Variants in MALRD1 observed in about 807,000 individuals in gnomAD.
The protein encoded by MALRD1 is MAM and LDL-receptor class A domain-containing protein 1.
In MALRD1, 247 loss-of-function variants were observed where a neutral mutation model predicts 242.1. The ratio of observed to expected loss-of-function variants is 1.02; its 90% CI spans 0.92 to 1.13. MALRD1 has a LOEUF of 1.13. Among genes scored for constraint, MALRD1 ranks in the 50% most tolerant of loss-of-function variants. The pLI is 0.00. For synonymous variants in MALRD1, 995 were observed against 866.6 expected, an observed-to-expected ratio of 1.15 and a Z score of -2.60; for missense variants, 2,989 against 2,533.1, an observed-to-expected ratio of 1.18 and a Z score of -3.86.
rs1846349849 is a variant in MALRD1 at position 19,391,848 on chromosome 10, C to A, written c.4845+2239C>A. Among the ~76,000 whole-genome samples, 3 of 152,190 alleles carry A rather than the reference C, an allele frequency of 2.0e-5. No individual in the cohort carries two copies. In the South Asian group the frequency reaches 6.2e-4, roughly 31 times the overall value. The stretch of plus-strand genomic sequence containing the variant: ...AGTTTTAGGCTTCAAGTGTCACTCT[C>A]AGATCTTCAGAAAAGGGACTGCTGG... On this transcript the variant is annotated intron_variant, in intron 28 of 39. Transcript: ENST00000454679.
intron 2 of MALRD1, among the ~76,000 whole-genome samples, chr10:19,081,607 C>A (rs1283607872): frequency 6.6e-6 from 1 of 151,770 alleles, no homozygotes; most frequent in Non-Finnish European, 1.5e-5. Flanking sequence ...GACACTGGGA[C>A]CTGTCAGGAG....
At chr10:19,576,643 A>G (rs975313228) in intron 33 of MALRD1, among the ~76,000 whole-genome samples, 1 of 152,146 alleles carries the variant, frequency 6.6e-6, no homozygotes, top group African/African-American at 2.4e-5. Flanking sequence ...AAATGATCCC[A>G]TCAAACAGGA....
intron 14 of MALRD1, among the ~76,000 whole-genome samples, chr10:19,191,893 G>A (rs1835991001): frequency 6.6e-6 from 1 of 152,134 alleles, no homozygotes; most frequent in African/African-American, 2.4e-5. Flanking sequence ...AGCTACTCAG[G>A]AGGCTGAGGC....
chr10:19,209,892 A>T (rs938733024), intron 18 of MALRD1, among the ~76,000 whole-genome samples: 1 of 152,180 alleles, frequency 6.6e-6, no homozygotes, highest in African/African-American at 2.4e-5. Flanking sequence ...ATTTCTGAAG[A>T]TGAACATGTG....
chr10:19,258,348 C>T (rs747042012), intron 19 of MALRD1, among the ~76,000 whole-genome samples: 2 of 151,992 alleles, frequency 1.3e-5, no homozygotes, highest in African/African-American at 2.4e-5. Flanking sequence ...AGAAAATAAC[C>T]TAAAATAAAC....
intron 34 of MALRD1, among the ~76,000 whole-genome samples, chr10:19,604,850 T>C (rs1838530549): frequency 6.6e-6 from 1 of 152,184 alleles, no homozygotes; most frequent in African/African-American, 2.4e-5. Flanking sequence ...AACAATTTTA[T>C]GTGACTTGCA....
chr10:19,485,567 A>G (rs1170821634), intron 29 of MALRD1, among the ~76,000 whole-genome samples: 2 of 151,824 alleles, frequency 1.3e-5, no homozygotes, highest in African/African-American at 4.8e-5. Flanking sequence ...GGCATGAACC[A>G]AGGAGGCGGA....
At chr10:19,184,321 G>A (rs532382553) in intron 14 of MALRD1, among the ~76,000 whole-genome samples, 8 of 152,298 alleles carry the variant, frequency 5.3e-5, no homozygotes, top group African/African-American at 1.9e-4. Context: ...GTGAGCTCCA[G>A]AGAGCAGAGC....
intron 28 of MALRD1, among the ~76,000 whole-genome samples, chr10:19,428,612 C>G (rs1833994364): frequency 6.6e-6 from 1 of 151,964 alleles, no homozygotes; most frequent in East Asian, 1.9e-4. Flanking sequence ...TTAATGATCA[C>G]AACCTTATGG....
chr10:19,531,707 T>C (rs528644261), intron 32 of MALRD1, among the ~76,000 whole-genome samples: 4 of 152,302 alleles, frequency 2.6e-5, no homozygotes, highest in African/African-American at 9.6e-5. Flanking sequence ...AGGAAGATAA[T>C]TTTCTACCCA....
intron 26 of MALRD1, among the ~76,000 whole-genome samples, chr10:19,364,380 G>A (rs188398020): frequency 2.6e-5 from 4 of 152,130 alleles, no homozygotes; most frequent in Non-Finnish European, 5.9e-5. Flanking sequence ...TCACAAATAT[G>A]TTCCTTAGCA....
At position 19,197,904 on chromosome 10, in the gene MALRD1, C is replaced by T. The variant is rs529289930; in HGVS notation, c.1952-5824C>T. On this transcript the variant is annotated intron_variant, in intron 14 of 39. Transcript: ENST00000454679. Reference sequence around the variant, plus strand: ...TGTGCTCTTAGACTTTATACTTGTGCAGACATATAGCATGTATTTGCTAAG... The same window carrying T: ...TGTGCTCTTAGACTTTATACTTGTGTAGACATATAGCATGTATTTGCTAAG... Among the ~76,000 whole-genome samples the T allele has an allele frequency of 3.3e-5, 5 of 152,280 alleles. No homozygotes were observed. The South Asian group carries it at 1.0e-3, about 32-fold the overall frequency.
Position 19,257,690 on chromosome 10 carries a change from G to A in MALRD1, c.2998G>A (p.Val1000Met), listed in dbSNP as rs1288505166. 2.3e-5 allele frequency: 35 copies of A among 1,531,932 alleles called. No homozygotes were observed. The highest frequency in any genetic ancestry group is 3.1e-5 in the Non-Finnish European group (35 of 1,135,516). 94.9% of individuals were successfully genotyped at this position (1,531,932 alleles called of 1,614,324 possible). ...TTTTATTTTATTTTTTTAGATATTG[G>A]TGGAGGCTTCAGTGGGAGATGGCTT... The part of the protein sequence containing the change: ...ISSRQPFQIL[V>M]EASVGDGFTG... The change falls in exon 19 of 40, where the codon GTG becomes ATG. Residue 1000 changes from valine to methionine, a missense_variant. By Grantham distance (21) the Val-to-Met change is conservative. Coordinates refer to ENST00000454679, the MANE Select transcript of MALRD1 (RefSeq NM_001142308.3).
chr10:19,116,448 A>G (rs1836872542), intron 5 of MALRD1, among the ~76,000 whole-genome samples: 1 of 152,204 alleles, frequency 6.6e-6, no homozygotes, highest in South Asian at 2.1e-4. Flanking sequence ...TTTTCTTTTA[A>G]GAGACAGTAA....
intron 31 of MALRD1, among the ~76,000 whole-genome samples, chr10:19,522,818 C>G (rs570846479): frequency 6.6e-6 from 1 of 152,140 alleles, no homozygotes; most frequent in African/African-American, 2.4e-5. Flanking sequence ...CAGTTTGACT[C>G]AGAGCTGGTC....
chr10:19,054,480 CA>C (rs1250389637), intron 1 of MALRD1, among the ~76,000 whole-genome samples: 1 of 152,150 alleles, frequency 6.6e-6, no homozygotes, highest in Admixed American at 6.5e-5. Context: ...TGACTGTAGT[CA>C]CCCTGTTGTG....
chr10:19,356,426 A>G (rs192451564), intron 26 of MALRD1, among the ~76,000 whole-genome samples: 3 of 152,288 alleles, frequency 2.0e-5, no homozygotes, highest in East Asian at 1.9e-4. Context: ...TGTAAGCCAC[A>G]TATTTACTTT....
chr10:19,413,108 G>C (rs766401396), intron 28 of MALRD1, among the ~76,000 whole-genome samples: 4 of 152,048 alleles, frequency 2.6e-5, no homozygotes, highest in Admixed American at 6.6e-5. Context: ...TCACATACAT[G>C]ATGTAACCCA....
Position 19,108,387 on chromosome 10 carries a change from CTTTTTTTTTTTTTTTTTTTTTTTTT to C in MALRD1, c.694+4326_694+4350del, listed in dbSNP as rs35948766. 1.1e-3 allele frequency among the ~76,000 whole-genome samples: 21 copies of C among 19,764 alleles called. 5 individuals are homozygous for C. In the East Asian group the frequency reaches 0.029, roughly 27 times the overall value. The allele number at this position is 19,764 out of a possible 152,430, so 13.0% of individuals were successfully genotyped here. On this transcript the variant is annotated intron_variant, in intron 5 of 39. Coordinates refer to ENST00000454679, the MANE Select transcript of MALRD1 (RefSeq NM_001142308.3). ...TTATTGAGCTCATGAATTGTTTTTT[CTTTTTTTTTTTTTTTTTTTTTTTTT>C]TTTTTTTTTTTTTAAGACGGAGTCT...
Sources: gnomAD v4.1 joint callset for allele counts (sites outside exome capture counted in the v4.1 genomes callset) on GRCh38, gnomAD v4.1.1 for gene constraint, MANE v1.5 for transcripts, NCBI Gene and HGNC (gene_info 2026-07-23, HGNC 2026-07-21) for gene names.